The following TNFAIP8 variants were observed in gnomAD, a reference collection of about 807,000 sequenced individuals.
TNFAIP8 encodes TNF alpha induced protein 8, also known as tumor necrosis factor alpha-induced protein 8.
Under a neutral mutation model 13.3 loss-of-function variants are expected in TNFAIP8, and 7 were observed. That is an observed-to-expected ratio of 0.52 (90% CI 0.30 to 0.99). The LOEUF (loss-of-function observed/expected upper bound fraction) is 0.99. Among genes scored for constraint, TNFAIP8 ranks in the 50% least tolerant of loss-of-function variants. The probability of loss-of-function intolerance (pLI) is 0.07; values close to 1 mark genes in which losing one functional copy is unlikely to be tolerated. For synonymous variants in TNFAIP8, 94 were observed against 87.6 expected, an observed-to-expected ratio of 1.07 and a Z score of -0.41; for missense variants, 258 against 236.9, an observed-to-expected ratio of 1.09 and a Z score of -0.58.
chr5:119,281,304 ACACT>A (rs1259224850), intron 1 of TNFAIP8, among the ~76,000 whole-genome samples: 1,164 of 26,720 alleles, frequency 0.044, 10 homozygotes, highest in African/African-American at 0.12. Context: ...ACACACACAC[ACACT>A]CTCTCTCTCT....
intron 1 of TNFAIP8, among the ~76,000 whole-genome samples, chr5:119,305,157 A>G (rs113026352): frequency 6.9e-4 from 105 of 152,326 alleles, no homozygotes; most frequent in African/African-American, 2.5e-3. Flanking sequence ...AAGCTGATTT[A>G]CAAAGGAAAA....
At chr5:119,273,641 G>A (rs1444082843) in intron 1 of TNFAIP8, among the ~76,000 whole-genome samples, 1 of 152,166 alleles carries the variant, frequency 6.6e-6, no homozygotes, top group Non-Finnish European at 1.5e-5. Flanking sequence ...GTGAGCAGTG[G>A]GTTGGCCTTT....
rs944601809 is a variant in TNFAIP8 at position 119,395,953 on chromosome 5, A to T, written c.*2572A>T. 6.6e-6 allele frequency: 1 copy of T among 152,178 alleles called. No homozygotes were observed. The highest frequency in any genetic ancestry group is 2.4e-5 in the African/African-American group (1 of 41,446). The allele number at this position is 152,178 out of a possible 1,614,324, so 9.4% of individuals were successfully genotyped here. On this transcript the variant is annotated 3_prime_UTR_variant, in exon 2 of 2. Transcript: ENST00000504771. Reference sequence around the variant, plus strand: ...GCTTCTCTGCAAAAATTATGAGTGGATATGATAAGTGGATGATAATACTAA... The same window carrying T: ...GCTTCTCTGCAAAAATTATGAGTGGTTATGATAAGTGGATGATAATACTAA...
intron 1 of TNFAIP8, among the ~76,000 whole-genome samples, chr5:119,383,492 G>T (rs1752561472): frequency 6.6e-6 from 1 of 152,152 alleles, no homozygotes; most frequent in Non-Finnish European, 1.5e-5. Flanking sequence ...TGGGAACAAA[G>T]GTCATAGCCC....
intron 1 of TNFAIP8, among the ~76,000 whole-genome samples, chr5:119,324,839 A>C (rs1750172228): frequency 6.6e-6 from 1 of 152,104 alleles, no homozygotes; most frequent in Non-Finnish European, 1.5e-5. Flanking sequence ...CTCTTTAAAA[A>C]TTATATATGG....
At chr5:119,356,187 T>C (rs762058687) in intron 1 of TNFAIP8, 66 bp downstream of exon 1, 28 of 1,431,892 alleles carry the variant, frequency 2.0e-5, no homozygotes, top group Admixed American at 1.2e-4. Context: ...AAGGCAGTGG[T>C]AGAAGAGGAT....
chr5:119,378,715 AG>A (rs1284029145), intron 1 of TNFAIP8, among the ~76,000 whole-genome samples: 1 of 152,214 alleles, frequency 6.6e-6, no homozygotes, highest in Non-Finnish European at 1.5e-5. Flanking sequence ...GGCAAAGGGC[AG>A]GGAAGAAAAG....
intron 1 of TNFAIP8, among the ~76,000 whole-genome samples, chr5:119,336,216 C>T (rs980481301): frequency 6.6e-6 from 1 of 152,178 alleles, no homozygotes; most frequent in African/African-American, 2.4e-5. Flanking sequence ...CCAATCTTCT[C>T]ATTTACAAAT....
rs907559859 is a variant in TNFAIP8 at position 119,395,946 on chromosome 5, T to A, written c.*2565T>A. 1 of 152,188 alleles carries A rather than the reference T, an allele frequency of 6.6e-6. No homozygotes were observed. Among genetic ancestry groups the A allele is most frequent in the Admixed American group, 6.5e-5 (1 of 15,274 alleles). 9.4% of individuals were successfully genotyped at this position (152,188 alleles called of 1,614,324 possible). On this transcript the variant is annotated 3_prime_UTR_variant, in exon 2 of 2. Transcript: ENST00000504771. The stretch of plus-strand genomic sequence containing the variant: ...GCTGGTGGCTTCTCTGCAAAAATTA[T>A]GAGTGGATATGATAAGTGGATGATA...
At position 119,365,779 on chromosome 5, in the gene TNFAIP8, C is replaced by T. The variant is rs568538727; in HGVS notation, c.31+9658C>T. The stretch of plus-strand genomic sequence containing the variant: ...GAAATATCTAGAATGAAAATGCATG[C>T]CTCCTCAATATCACAAGTCTAAACA... On this transcript the variant is annotated intron_variant, in intron 1 of 1. Coordinates refer to ENST00000504771, the MANE Select transcript of TNFAIP8 (RefSeq NM_014350.4). Among the ~76,000 whole-genome samples, 40 of 152,116 alleles carry T rather than the reference C, an allele frequency of 2.6e-4. 1 individual carries two copies. The highest frequency in any genetic ancestry group is 5.7e-4 in the Non-Finnish European group (39 of 68,016).
chr5:119,356,496 A>G (rs1425715452), intron 1 of TNFAIP8, among the ~76,000 whole-genome samples: 1 of 152,134 alleles, frequency 6.6e-6, no homozygotes, highest in East Asian at 1.9e-4. Context: ...AAGAGCCCTG[A>G]GTGGAGGGTC....
intron 1 of TNFAIP8, among the ~76,000 whole-genome samples, chr5:119,377,934 T>A (rs1752343443): frequency 6.6e-6 from 1 of 152,110 alleles, no homozygotes; most frequent in African/African-American, 2.4e-5. Flanking sequence ...AACAGAAATG[T>A]GTAGATGGCC....
chr5:119,382,834 A>G (rs983955841), intron 1 of TNFAIP8, among the ~76,000 whole-genome samples: 1 of 152,186 alleles, frequency 6.6e-6, no homozygotes, highest in Admixed American at 6.5e-5. Flanking sequence ...GTACTCCCCT[A>G]TTTGCATCTG....
In TNFAIP8 at chr5:119,394,611, A is replaced by ATTTTTTTTTTTTTTTTTT. The variant is rs397963876; in HGVS notation, c.*1232_*1249dup. ...CATTTCCATTGTCACTGTGTCTATG[A>ATTTTTTTTTTTTTTTTTT]TTTTTTTTTTTTTTTTTTTGAGTCT... On this transcript the variant is annotated 3_prime_UTR_variant, in exon 2 of 2. Coordinates refer to ENST00000504771, the MANE Select transcript of TNFAIP8 (RefSeq NM_014350.4). 1.7e-4 allele frequency: 20 copies of ATTTTTTTTTTTTTTTTTT among 114,692 alleles called. 2 individuals carry two copies. The highest frequency in any genetic ancestry group is 6.5e-4 in the African/African-American group (16 of 24,796). The allele number at this position is 114,692 out of a possible 1,614,324, so 7.1% of individuals were successfully genotyped here. A position where few individuals can be genotyped will look rare whatever the true frequency, so the allele number is the denominator to read the frequency against.
intron 1 of TNFAIP8, among the ~76,000 whole-genome samples, chr5:119,350,959 T>TGTGC (rs924562611): frequency 1.3e-5 from 2 of 149,534 alleles, no homozygotes; most frequent in Admixed American, 1.3e-4. Context: ...TATTTGTGTG[T>TGTGC]GTGTGTGTGT....
chr5:119,384,553 A>T (rs2112847946), intron 1 of TNFAIP8, among the ~76,000 whole-genome samples: 1 of 152,326 alleles, frequency 6.6e-6, no homozygotes, highest in South Asian at 2.1e-4. Flanking sequence ...TGTAGTACAA[A>T]TTCAAAAAAT....
intron 1 of TNFAIP8, among the ~76,000 whole-genome samples, chr5:119,308,392 CT>C (rs57948080): frequency 0.092 from 11,872 of 129,122 alleles, 711 homozygotes; most frequent in African/African-American, 0.25. Context: ...CGTTTCCCAC[CT>C]TTTTTTTTTT....
intron 1 of TNFAIP8, among the ~76,000 whole-genome samples, chr5:119,359,379 C>G (rs577241644): frequency 6.6e-6 from 1 of 152,248 alleles, no homozygotes; most frequent in South Asian, 2.1e-4. Context: ...GCACCTGTTC[C>G]TTTCCTTGCT....
At chr5:119,293,871 A>G (rs1272469946) in intron 1 of TNFAIP8, among the ~76,000 whole-genome samples, 1 of 152,158 alleles carries the variant, frequency 6.6e-6, no homozygotes, top group Non-Finnish European at 1.5e-5. Flanking sequence ...AGTTTTTAAA[A>G]GGGCAGTCAC....
Sources: allele counts gnomAD v4.1 joint callset (sites outside exome capture counted in the v4.1 genomes callset), GRCh38; gene constraint gnomAD v4.1.1; transcripts MANE v1.5; gene names NCBI Gene and HGNC (gene_info 2026-07-23, HGNC 2026-07-21).